TTC39C: variants seen among roughly 807,000 people sequenced by gnomAD.
TTC39C encodes tetratricopeptide repeat protein 39C.
Under a neutral mutation model 76.3 loss-of-function variants are expected in TTC39C, and 33 were observed. That is an observed-to-expected ratio of 0.43 (90% CI 0.33 to 0.58). The LOEUF (loss-of-function observed/expected upper bound fraction) is 0.58. TTC39C is among the 20% of genes least tolerant of loss of function. The probability of loss-of-function intolerance (pLI) is 0.04; values close to 1 mark genes in which losing one functional copy is unlikely to be tolerated. For synonymous variants in TTC39C, 254 were observed against 260.6 expected (o/e 0.97, Z 0.24); for missense variants, 595 against 701.4 (o/e 0.85, Z 1.71).
At chr18:24,064,095 T>G in intron 1 of TTC39C, 45 bp from the exon 2 acceptor site, 1 of 1,605,626 alleles carries the variant, frequency 6.2e-7, no homozygotes, top group Non-Finnish European at 8.5e-7. Flanking sequence ...AATTTTACAG[T>G]GAAAATAATT....
chr18:24,047,939 T>C (rs974196246), intron 1 of TTC39C, among the ~76,000 whole-genome samples: 3 of 152,272 alleles, frequency 2.0e-5, no homozygotes, highest in African/African-American at 7.2e-5. Context: ...TATGTACTCA[T>C]AAAAATTAAA....
In TTC39C at chr18:24,100,233, A is replaced by G. The variant is rs76582165; in HGVS notation, c.985-14321A>G. On this transcript the variant is annotated intron_variant, in intron 6 of 13. Coordinates refer to ENST00000317571, the MANE Select transcript of TTC39C (RefSeq NM_001135993.2). ...TGTGATGTGTCTTAATTATCTGATTATGATTATGATTCATCTTACATCCTT... is the reference window on the plus strand; with the variant it reads ...TGTGATGTGTCTTAATTATCTGATTGTGATTATGATTCATCTTACATCCTT... 5.6e-3 allele frequency among the ~76,000 whole-genome samples: 847 copies of G among 152,330 alleles called. 8 individuals are homozygous for G. Among genetic ancestry groups the G allele is most frequent in the African/African-American group, 0.02 (813 of 41,566 alleles).
chr18:24,057,670 G>A (rs553910136), intron 1 of TTC39C, among the ~76,000 whole-genome samples: 71 of 152,048 alleles, frequency 4.7e-4, no homozygotes, highest in Non-Finnish European at 8.4e-4. Context: ...CTGTTCTACC[G>A]TGATGGATGC....
upstream of TTC39C, chr18:24,014,645 C>A: frequency 1.9e-6 from 1 of 517,650 alleles, no homozygotes; most frequent in Non-Finnish European, 2.8e-6. Context: ...CTGAGTAATC[C>A]CCGCGGCGGC....
intron 1 of TTC39C, among the ~76,000 whole-genome samples, chr18:24,002,593 G>A (rs1231319974): frequency 1.3e-5 from 2 of 152,162 alleles, no homozygotes; most frequent in Non-Finnish European, 1.5e-5. Context: ...GGATTTCTGT[G>A]TTGTTCTAAT....
At chr18:24,068,323 A>G (rs2084193410) in intron 3 of TTC39C, among the ~76,000 whole-genome samples, 1 of 152,218 alleles carries the variant, frequency 6.6e-6, no homozygotes, top group African/African-American at 2.4e-5. Flanking sequence ...GGTTTGAAAC[A>G]ACAGTGACCA....
chr18:24,084,699 A>G (rs2084420133), intron 6 of TTC39C, among the ~76,000 whole-genome samples: 1 of 151,706 alleles, frequency 6.6e-6, no homozygotes, highest in Non-Finnish European at 1.5e-5. Context: ...CCTGTTGCCC[A>G]GGCTGGCATG....
intron 1 of TTC39C, chr18:24,019,864 A>C (rs1282902972): frequency 2.7e-5 from 41 of 1,526,728 alleles, no homozygotes; most frequent in Non-Finnish European, 3.5e-5. Context: ...TTACAGAAAA[A>C]GTTTTTTGAC....
chr18:24,030,995 G>A (rs572065029), intron 1 of TTC39C, among the ~76,000 whole-genome samples: 1 of 151,666 alleles, frequency 6.6e-6, no homozygotes, highest in South Asian at 2.1e-4. Flanking sequence ...CCAGGCTGGA[G>A]TGCAGTGGCA....
chr18:24,113,233 T>A (rs2084839371), intron 6 of TTC39C: 1 of 259,714 alleles, frequency 3.9e-6, no homozygotes, highest in Non-Finnish European at 7.4e-6. Flanking sequence ...CAGTTATTGA[T>A]CCAGCTGGGC....
intron 10 of TTC39C, among the ~76,000 whole-genome samples, chr18:24,126,048 G>A (rs1252079797): frequency 1.3e-5 from 2 of 152,074 alleles, no homozygotes; most frequent in East Asian, 1.9e-4. Flanking sequence ...TTATCTGGGC[G>A]GGGTGGTGTG....
intron 8 of TTC39C, among the ~76,000 whole-genome samples, chr18:24,121,371 G>A (rs145826544): frequency 6.6e-6 from 1 of 152,038 alleles, no homozygotes; most frequent in African/African-American, 2.4e-5. Flanking sequence ...TCGGGAGTTC[G>A]AGACCAGCCC....
At chr18:24,056,313 C>T (rs1427712414) in intron 1 of TTC39C, among the ~76,000 whole-genome samples, 1 of 152,026 alleles carries the variant, frequency 6.6e-6, no homozygotes, top group South Asian at 2.1e-4. Flanking sequence ...GTTTATAATC[C>T]CCAGGAGTCG....
chr18:24,032,568 T>G (rs1457202231), intron 1 of TTC39C, among the ~76,000 whole-genome samples: 1 of 152,266 alleles, frequency 6.6e-6, no homozygotes, highest in Admixed American at 6.5e-5. Context: ...ATTTTATGCA[T>G]AGAGCTTGAA....
chr18:24,045,901 A>ATATATATGTATATGTATATGTG (rs1427964136), intron 1 of TTC39C, among the ~76,000 whole-genome samples: 2 of 38,634 alleles, frequency 5.2e-5, no homozygotes, highest in African/African-American at 2.9e-4. Flanking sequence ...AAATATATAT[A>ATATATATGTATATGTATATGTG]TATATATATA....
chr18:24,044,052 T>TTGTGTGTGTGTGTGTGTGTG (rs56233680), intron 1 of TTC39C, among the ~76,000 whole-genome samples: 7 of 147,960 alleles, frequency 4.7e-5, no homozygotes, highest in African/African-American at 1.7e-4. Flanking sequence ...TTGTGTATGT[T>TTGTGTGTGTGTGTGTGTGTG]TGTGTGTGTG....
intron 8 of TTC39C, among the ~76,000 whole-genome samples, chr18:24,120,709 C>T (rs778372136): frequency 1.3e-5 from 2 of 152,122 alleles, no homozygotes; most frequent in South Asian, 2.1e-4. Context: ...ACGTTTTCCC[C>T]GAGACCCTGG....
chr18:24,026,451 A>G (rs2083601177), intron 1 of TTC39C, among the ~76,000 whole-genome samples: 2 of 152,204 alleles, frequency 1.3e-5, no homozygotes, highest in Non-Finnish European at 2.9e-5. Flanking sequence ...CAGATGCTTC[A>G]TGGTTTTCTG....
At chr18:24,129,234 C>T (rs918086051) in intron 11 of TTC39C, among the ~76,000 whole-genome samples, 1 of 152,102 alleles carries the variant, frequency 6.6e-6, no homozygotes, top group Non-Finnish European at 1.5e-5. Context: ...TAATATTTAT[C>T]AAGATGACAG....
Sources: allele counts gnomAD v4.1 joint callset (sites outside exome capture counted in the v4.1 genomes callset), GRCh38; gene constraint gnomAD v4.1.1; transcripts MANE v1.5; gene names NCBI Gene and HGNC (gene_info 2026-07-23, HGNC 2026-07-21).